The following C1QTNF7 variants were observed in gnomAD, a reference collection of about 807,000 sequenced individuals.
The protein encoded by C1QTNF7 is complement C1q tumor necrosis factor-related protein 7.
C1QTNF7 carries 15 observed loss-of-function variants against 19.6 expected under a neutral mutation model. The ratio of observed to expected loss-of-function variants is 0.76; its 90% CI spans 0.51 to 1.18. The LOEUF (loss-of-function observed/expected upper bound fraction) is 1.18. C1QTNF7 is among the 50% of genes most tolerant of loss of function. The probability of loss-of-function intolerance (pLI) is 0.00; values close to 1 mark genes in which losing one functional copy is unlikely to be tolerated. For synonymous variants in C1QTNF7, 142 were observed against 137.5 expected (o/e 1.03, Z -0.23); for missense variants, 324 against 359.7 (o/e 0.90, Z 0.80).
At position 15,442,382 on chromosome 4, in the gene C1QTNF7, T is replaced by C; in HGVS notation, c.453T>C (p.Ser151=). The C allele has an allele frequency of 6.2e-7, 1 of 1,614,206 alleles. No homozygotes were observed. Among genetic ancestry groups the C allele is most frequent in the Non-Finnish European group, 8.5e-7 (1 of 1,180,038 alleles). The change falls in exon 3 of 3, where the codon TCT becomes TCC. Residue 151 remains serine (S), a synonymous_variant. Transcript: ENST00000444304. The stretch of plus-strand genomic sequence containing the variant: ...GCATCGTGCTCAAATCCGCCTTTTC[T>C]GTTGGCATCACAACCAGCTACCCAG... ...CGSIVLKSAF[S]VGITTSYPEE...
At chr4:15,425,077 T>G (rs999498822), upstream of C1QTNF7, among the ~76,000 whole-genome samples, 2 of 151,940 alleles carry the variant, frequency 1.3e-5, 1 homozygote, top group Admixed American at 1.3e-4. Flanking sequence ...AAGAACAGGA[T>G]GAGACACAAA....
intron 1 of C1QTNF7, among the ~76,000 whole-genome samples, chr4:15,409,690 C>A (rs939532234): frequency 2.0e-5 from 3 of 151,964 alleles, no homozygotes; most frequent in African/African-American, 7.3e-5. Context: ...TTGTGGAGTC[C>A]GACGGCCCAG....
At chr4:15,375,751 A>G (rs553331165) in intron 1 of C1QTNF7, among the ~76,000 whole-genome samples, 4 of 152,276 alleles carry the variant, frequency 2.6e-5, no homozygotes, top group East Asian at 1.9e-4. Context: ...CATGATTTCA[A>G]TAAGACCCCA....
At chr4:15,385,428 C>T (rs983289190) in intron 1 of C1QTNF7, among the ~76,000 whole-genome samples, 1 of 152,192 alleles carries the variant, frequency 6.6e-6, no homozygotes, top group African/African-American at 2.4e-5. Flanking sequence ...TCTGGGAGAA[C>T]AGCATTCTCA....
upstream of C1QTNF7, among the ~76,000 whole-genome samples, chr4:15,423,352 C>T (rs747659746): frequency 7.9e-5 from 12 of 152,174 alleles, no homozygotes; most frequent in Non-Finnish European, 1.6e-4. Flanking sequence ...CAGCACAGTG[C>T]CTGGCACACA....
intron 1 of C1QTNF7, among the ~76,000 whole-genome samples, chr4:15,404,473 A>C (rs188413822): frequency 6.6e-6 from 1 of 152,362 alleles, no homozygotes; most frequent in East Asian, 1.9e-4. Flanking sequence ...TAGAGTTAAC[A>C]CTTATAAAGT....
intron 1 of C1QTNF7, among the ~76,000 whole-genome samples, chr4:15,352,044 A>T (rs776169566): frequency 1.3e-5 from 2 of 152,124 alleles, no homozygotes; most frequent in Admixed American, 6.5e-5. Flanking sequence ...GAAAGTTTGC[A>T]ATTTAAATTT....
chr4:15,361,869 C>G (rs185053636), intron 1 of C1QTNF7, among the ~76,000 whole-genome samples: 2 of 152,218 alleles, frequency 1.3e-5, no homozygotes, highest in Admixed American at 6.5e-5. Flanking sequence ...GCTCTTCAGC[C>G]TTCTTCCACC....
chr4:15,374,452 C>A, intron 1 of C1QTNF7: 1 of 578,344 alleles, frequency 1.7e-6, no homozygotes, highest in Non-Finnish European at 2.2e-6. Flanking sequence ...GGGGAGCGAG[C>A]CAACAGATAA....
intron 1 of C1QTNF7, among the ~76,000 whole-genome samples, chr4:15,412,863 T>C (rs1719456300): frequency 6.6e-6 from 1 of 152,100 alleles, no homozygotes; most frequent in African/African-American, 2.4e-5. Flanking sequence ...GAGACAGAGA[T>C]CACATAAAAA....
intron 1 of C1QTNF7, among the ~76,000 whole-genome samples, chr4:15,405,355 C>T (rs1244758494): frequency 1.3e-5 from 2 of 152,162 alleles, no homozygotes; most frequent in Non-Finnish European, 2.9e-5. Flanking sequence ...AAGCAAAAGC[C>T]TTTTCAGAAT....
At chr4:15,425,621 C>A (rs1712006121), upstream of C1QTNF7, among the ~76,000 whole-genome samples, 1 of 152,144 alleles carries the variant, frequency 6.6e-6, no homozygotes, top group East Asian at 1.9e-4. Context: ...TTAGCAACAA[C>A]CTAGGGAGGA....
At chr4:15,373,857 AAAATGAG>A (rs1351405434) in intron 1 of C1QTNF7, 1 of 152,242 alleles carries the variant, frequency 6.6e-6, no homozygotes, top group African/African-American at 2.4e-5. Context: ...CACCGAATGG[AAAATGAG>A]AATGGAAAGG....
At chr4:15,340,339 T>G (rs1371474522) in intron 1 of C1QTNF7, 1 of 1,180,368 alleles carries the variant, frequency 8.5e-7, no homozygotes, top group Non-Finnish European at 1.2e-6. Context: ...TGTCAACAAA[T>G]GATAAATCAG....
intron 1 of C1QTNF7, among the ~76,000 whole-genome samples, chr4:15,377,301 C>T (rs1717976196): frequency 6.6e-6 from 1 of 152,148 alleles, no homozygotes; most frequent in Non-Finnish European, 1.5e-5. Context: ...AGGGTTATTT[C>T]CTATCTTGTT....
intron 1 of C1QTNF7, among the ~76,000 whole-genome samples, chr4:15,359,562 TCCAAGGGATTGTGATG>T (rs1717264130): frequency 6.6e-6 from 1 of 152,200 alleles, no homozygotes; most frequent in African/African-American, 2.4e-5. Flanking sequence ...CCCAAATACT[TCCAAGGGATTGTGATG>T]CCACATCCCC....
At chr4:15,396,188 A>G (rs1718772313) in intron 1 of C1QTNF7, among the ~76,000 whole-genome samples, 1 of 152,206 alleles carries the variant, frequency 6.6e-6, no homozygotes, top group Admixed American at 6.5e-5. Context: ...GCAGCCTGAC[A>G]GCACCCGAAT....
At chr4:15,399,726 A>G (rs767141166) in intron 1 of C1QTNF7, among the ~76,000 whole-genome samples, 5 of 152,190 alleles carry the variant, frequency 3.3e-5, no homozygotes, top group African/African-American at 7.2e-5. Flanking sequence ...TTATATAACT[A>G]TAAGTCCAAC....
chr4:15,389,437 T>TA (rs1436204905), intron 1 of C1QTNF7, among the ~76,000 whole-genome samples: 2 of 152,196 alleles, frequency 1.3e-5, no homozygotes, highest in Non-Finnish European at 2.9e-5. Flanking sequence ...TTTATTTTTT[T>TA]AGATGGAATT....
Sources: gnomAD v4.1 joint callset for allele counts (sites outside exome capture counted in the v4.1 genomes callset) on GRCh38, gnomAD v4.1.1 for gene constraint, MANE v1.5 for transcripts, NCBI Gene and HGNC (gene_info 2026-07-23, HGNC 2026-07-21) for gene names.